The following CDH10 variants were observed in gnomAD, a reference collection of about 807,000 sequenced individuals.
CDH10 encodes the protein cadherin 10, also known as cadherin-10.
CDH10 carries 30 observed loss-of-function variants against 73.1 expected under a neutral mutation model. That is an observed-to-expected ratio of 0.41 (90% CI 0.31 to 0.56). The LOEUF (loss-of-function observed/expected upper bound fraction) is 0.56, where lower values mean the gene tolerates loss of function less well. Ranked by LOEUF, CDH10 falls within the 20% of genes least tolerant of loss-of-function variation. The pLI is 0.27. For synonymous variants in CDH10, 345 were observed against 348.2 expected, an observed-to-expected ratio of 0.99 and a Z score of 0.10; for missense variants, 815 against 973.7, an observed-to-expected ratio of 0.84 and a Z score of 2.17.
At chr5:24,559,199 A>G in intron 2 of CDH10, among the ~76,000 whole-genome samples, 1 of 151,988 alleles carries the variant, frequency 6.6e-6, no homozygotes, top group Non-Finnish European at 1.5e-5. Flanking sequence ...AAATTACTAA[A>G]TAAAATAGGC....
intron 1 of CDH10, among the ~76,000 whole-genome samples, chr5:24,600,794 A>G (rs1579459832): frequency 1.3e-5 from 2 of 152,178 alleles, no homozygotes; most frequent in Non-Finnish European, 1.5e-5. Context: ...GAAAAGAAAT[A>G]TATACATTAA....
Position 24,584,914 on chromosome 5 carries a change from T to A in CDH10, c.231+8346A>T, listed in dbSNP as rs149590519. Among the ~76,000 whole-genome samples, 387 of 151,932 alleles carry A rather than the reference T, an allele frequency of 2.5e-3. 1 individual carries two copies. Among genetic ancestry groups the A allele is most frequent in the Middle Eastern group, 0.014 (4 of 290 alleles). On this transcript the variant is annotated intron_variant, in intron 2 of 11. Coordinates refer to ENST00000264463, the MANE Select transcript of CDH10 (RefSeq NM_006727.5). ...CAGGCTGGAGTGCAGTGGCATGATC[T>A]TGGCTCACTGCAGCCTCAAACTCCG... is the stretch of plus-strand genomic sequence containing the variant.
intron 8 of CDH10, among the ~76,000 whole-genome samples, chr5:24,503,766 A>G (rs937458783): frequency 1.2e-4 from 19 of 152,194 alleles, no homozygotes; most frequent in African/African-American, 4.6e-4. Flanking sequence ...TCTCTGTTAA[A>G]TGAGGTTAAT....
chr5:24,608,572 T>C (rs775607817), intron 1 of CDH10, among the ~76,000 whole-genome samples: 4 of 152,210 alleles, frequency 2.6e-5, no homozygotes, highest in Non-Finnish European at 5.9e-5. Context: ...ATTACAGGCG[T>C]GAGCCACCGC....
intron 5 of CDH10, among the ~76,000 whole-genome samples, chr5:24,513,849 G>T (rs1444686798): frequency 6.6e-6 from 1 of 152,036 alleles, no homozygotes; most frequent in East Asian, 1.9e-4. Context: ...TCCTTCAGTT[G>T]TCTGCTCTAT....
chr5:24,511,498 T>C lies in CDH10; in HGVS notation c.831A>G (p.Arg277=), dbSNP rs772025275. The C allele has an allele frequency of 5.1e-6, 8 of 1,576,052 alleles. No homozygotes were observed. In the African/African-American group the frequency reaches 8.4e-5, roughly 17 times the overall value. ...PRFPQNTIHL[R]VLESSPVGTA... is the part of the protein sequence containing the mutation. ...TGCCAACTGGGGAGGATTCAAGAAC[T>C]CGAAGATGAATAGTGTCTGTAAAGT... The change falls in exon 6 of 12, where the codon CGA becomes CGG. Residue 277 remains arginine (R), a synonymous_variant. Transcript: ENST00000264463.
At chr5:24,505,969 C>T (rs1329672946) in intron 7 of CDH10, among the ~76,000 whole-genome samples, 1 of 152,152 alleles carries the variant, frequency 6.6e-6, no homozygotes, top group East Asian at 1.9e-4. Context: ...CAAAAATTAG[C>T]TGGGTGTGGT....
intron 8 of CDH10, among the ~76,000 whole-genome samples, chr5:24,501,945 A>C (rs968047942): frequency 1.3e-5 from 2 of 151,464 alleles, no homozygotes; most frequent in African/African-American, 2.4e-5. Flanking sequence ...TTTAGAGGGA[A>C]TCTCACTCTG....
chr5:24,557,357 C>A (rs530145385), intron 2 of CDH10, among the ~76,000 whole-genome samples: 1 of 151,300 alleles, frequency 6.6e-6, no homozygotes, highest in African/African-American at 2.4e-5. Flanking sequence ...AATTTAATGT[C>A]CCTAATTTAC....
intron 9 of CDH10, among the ~76,000 whole-genome samples, chr5:24,496,753 C>T (rs6896096): frequency 0.032 from 4,882 of 152,208 alleles, 111 homozygotes; most frequent in Middle Eastern, 0.068. Flanking sequence ...TCAGAGCTAA[C>T]AAATTAATTT....
intron 2 of CDH10, among the ~76,000 whole-genome samples, chr5:24,544,609 C>T (rs76986866): frequency 0.011 from 1,673 of 152,224 alleles, 24 homozygotes; most frequent in African/African-American, 0.038. Context: ...TCCTCTTTCC[C>T]ATTTAGTCTT....
intron 2 of CDH10, among the ~76,000 whole-genome samples, chr5:24,569,338 T>G (rs1449584804): frequency 6.6e-6 from 1 of 152,092 alleles, no homozygotes; most frequent in Non-Finnish European, 1.5e-5. Context: ...ATGCTGTAAA[T>G]TAATAAACTG....
intron 2 of CDH10, among the ~76,000 whole-genome samples, chr5:24,545,500 G>A (rs763593975): frequency 5.9e-5 from 9 of 152,108 alleles, no homozygotes; most frequent in Non-Finnish European, 8.8e-5. Flanking sequence ...CGCAGGTGAG[G>A]GCTCAGTGTA....
intron 1 of CDH10, among the ~76,000 whole-genome samples, chr5:24,607,043 C>A (rs1034756117): frequency 6.6e-6 from 1 of 152,118 alleles, no homozygotes; most frequent in African/African-American, 2.4e-5. Context: ...TCTCTATAAC[C>A]TCATCAGAAC....
intron 1 of CDH10, among the ~76,000 whole-genome samples, chr5:24,607,534 G>T (rs1173302106): frequency 6.6e-6 from 1 of 152,086 alleles, no homozygotes; most frequent in East Asian, 1.9e-4. Context: ...ATATTTTTAT[G>T]ACTTATACGC....
chr5:24,578,874 T>G (rs1745691609), intron 2 of CDH10, among the ~76,000 whole-genome samples: 1 of 151,922 alleles, frequency 6.6e-6, no homozygotes, highest in African/African-American at 2.4e-5. Flanking sequence ...ACAAAAAGAG[T>G]TAAAGAAAAT....
intron 2 of CDH10, among the ~76,000 whole-genome samples, chr5:24,590,840 C>A (rs1746176236): frequency 6.6e-6 from 1 of 152,036 alleles, no homozygotes; most frequent in Admixed American, 6.6e-5. Context: ...ATACCTGTCA[C>A]CATGTTTCCA....
At chr5:24,532,649 A>T (rs902697254) in intron 5 of CDH10, among the ~76,000 whole-genome samples, 12 of 152,148 alleles carry the variant, frequency 7.9e-5, no homozygotes, top group African/African-American at 1.9e-4. Flanking sequence ...AGAATTAGAT[A>T]AAAAAATTTA....
chr5:24,555,086 A>G (rs1487308583), intron 2 of CDH10, among the ~76,000 whole-genome samples: 1 of 152,050 alleles, frequency 6.6e-6, no homozygotes, highest in Non-Finnish European at 1.5e-5. Context: ...ATAAGAATGT[A>G]CTGTACTTTT....
Sources: allele counts gnomAD v4.1 joint callset (sites outside exome capture counted in the v4.1 genomes callset), GRCh38; gene constraint gnomAD v4.1.1; transcripts MANE v1.5; gene names NCBI Gene and HGNC (gene_info 2026-07-23, HGNC 2026-07-21).